GLIS3: variants seen among roughly 807,000 people sequenced by gnomAD.
GLIS3 encodes zinc finger protein GLIS3.
GLIS3 carries 53 observed loss-of-function variants against 78.6 expected under a neutral mutation model. The observed-to-expected ratio is 0.67, with a 90% CI of 0.54 to 0.85. The LOEUF is 0.85. Among genes scored for constraint, GLIS3 ranks in the 40% least tolerant of loss-of-function variants. The pLI is 0.00. For synonymous variants in GLIS3, 684 were observed against 509.9 expected (o/e 1.34, Z -4.60); for missense variants, 1,703 against 1,231.1 (o/e 1.38, Z -5.74).
rs191527242 is a variant in GLIS3 at position 4,050,400 on chromosome 9, G to T, written c.1710+67368C>A. 1.6e-4 allele frequency among the ~76,000 whole-genome samples: 24 copies of T among 152,156 alleles called. No individual in the cohort carries two copies. In the South Asian group the frequency reaches 4.2e-3, roughly 26 times the overall value. ...CTCACAGGTGGGAATTGAACAATGA[G>T]AACACTTGTACACAGGGCGGGGAAC... On this transcript the variant is annotated intron_variant, in intron 4 of 10. Transcript: ENST00000381971.
the GLIS3 span, among the ~76,000 whole-genome samples, chr9:4,354,185 T>C: frequency 6.6e-6 from 1 of 152,058 alleles, no homozygotes; most frequent in African/African-American, 2.4e-5. Flanking sequence ...AAAAAGAGTG[T>C]TATGCTAAAC....
the GLIS3 span, among the ~76,000 whole-genome samples, chr9:4,447,743 G>C: frequency 6.6e-6 from 1 of 152,082 alleles, no homozygotes; most frequent in Non-Finnish European, 1.5e-5. Flanking sequence ...ACTTCCCCAA[G>C]GACTCAGAGG....
chr9:4,117,862 G>T lies in GLIS3; in HGVS notation c.1616C>A (p.Ala539Asp). 1 of 1,614,124 alleles carries T rather than the reference G, an allele frequency of 6.2e-7. No homozygotes were observed. The highest frequency in any genetic ancestry group is 1.3e-5 in the African/African-American group (1 of 75,036). Residue 539 changes from alanine (A) to aspartate (D), a missense_variant, in exon 4 of 11, where the codon GCC becomes GAC. Ala to Asp is a moderately radical substitution (Grantham distance 126, BLOSUM62 -2). Transcript: ENST00000381971. Reference sequence around the variant, plus strand: ...GGGCTTGTATCTTCGAGGGCAACCGGCCCAGAAGCAAGTGAAGTCCTCCCC... The same window carrying T: ...GGGCTTGTATCTTCGAGGGCAACCGTCCCAGAAGCAAGTGAAGTCCTCCCC... The part of the protein sequence containing the change: ...RKGEDFTCFW[A>D]GCPRRYKPFN...
intron 7 of GLIS3, among the ~76,000 whole-genome samples, chr9:3,896,685 G>C (rs1388533549): frequency 9.8e-5 from 1 of 10,206 alleles, no homozygotes; most frequent in Middle Eastern, 0.056. Flanking sequence ...AAAAAAAGAA[G>C]TAGAGAGGGT....
rs192549154 is a variant in GLIS3 at position 4,221,276 on chromosome 9, G to C, written c.388+64762C>G. 8.5e-4 allele frequency among the ~76,000 whole-genome samples: 130 copies of C among 152,242 alleles called. No homozygotes were observed. In the Middle Eastern group the frequency reaches 0.01, roughly 12 times the overall value. ...AAAATTCAGGGAATCTGGGTGAAGG[G>C]CATATGGGAATTCTTTATATTATTC... On this transcript the variant is annotated intron_variant, in intron 2 of 10. Coordinates refer to ENST00000381971, the MANE Select transcript of GLIS3 (RefSeq NM_001042413.2).
chr9:4,349,097 C>G (rs184741715), upstream of GLIS3, among the ~76,000 whole-genome samples: 3 of 152,250 alleles, frequency 2.0e-5, no homozygotes, highest in African/African-American at 7.2e-5. Context: ...CAACACTACT[C>G]CTTATCTAAG....
At chr9:4,151,755 G>A (rs1247426733) in intron 2 of GLIS3, among the ~76,000 whole-genome samples, 1 of 152,158 alleles carries the variant, frequency 6.6e-6, no homozygotes. Flanking sequence ...TTTGGATAGA[G>A]TCCTGTGGCA....
At chr9:3,969,189 C>T (rs151277756) in intron 4 of GLIS3, among the ~76,000 whole-genome samples, 143 of 152,192 alleles carry the variant, frequency 9.4e-4, no homozygotes, top group African/African-American at 3.2e-3. Context: ...CCTCACTGTT[C>T]GAAGAAGGTA....
chr9:4,268,949 G>A (rs1826254780), intron 2 of GLIS3, among the ~76,000 whole-genome samples: 1 of 152,120 alleles, frequency 6.6e-6, no homozygotes, highest in South Asian at 2.1e-4. Flanking sequence ...TTTTCTACCT[G>A]TTCAATACTT....
At chr9:4,024,136 T>A (rs1420220216) in intron 4 of GLIS3, among the ~76,000 whole-genome samples, 2 of 152,164 alleles carry the variant, frequency 1.3e-5, no homozygotes, top group African/African-American at 4.8e-5. Flanking sequence ...AAAGTGATAA[T>A]GCCAAGAGCC....
chr9:3,869,937 G>T (rs762282179), intron 8 of GLIS3, among the ~76,000 whole-genome samples: 2 of 152,144 alleles, frequency 1.3e-5, no homozygotes, highest in Non-Finnish European at 2.9e-5. Context: ...TTCCTGCATC[G>T]AGAACTAAAC....
At position 3,967,908 on chromosome 9, in the gene GLIS3, A is replaced by G. The variant is rs998351412; in HGVS notation, c.1711-30719T>C. 2.6e-5 allele frequency among the ~76,000 whole-genome samples: 4 copies of G among 152,336 alleles called. No individual in the cohort carries two copies. The East Asian group carries it at 7.7e-4, about 29-fold the overall frequency. ...GTGATGGAGGCTCAGGAGGTGAGGA[A>G]AATACTTTGTGCATTGTTGTGAGCA... On this transcript the variant is annotated intron_variant, in intron 4 of 10. Transcript: ENST00000381971.
intron 2 of GLIS3, among the ~76,000 whole-genome samples, chr9:4,243,222 G>C (rs1041934517): frequency 2.0e-5 from 3 of 152,194 alleles, no homozygotes; most frequent in African/African-American, 4.8e-5. Context: ...ATGAGAGTCA[G>C]ATCTTGTTTA....
Position 4,226,209 on chromosome 9 carries a change from T to C in GLIS3, c.388+59829A>G, listed in dbSNP as rs544380039. ...CTCAAATTAATTCTGCTTTCCAATATCTTGACAATAAGAAGGAACAGAAGT... is the reference window on the plus strand; with the variant it reads ...CTCAAATTAATTCTGCTTTCCAATACCTTGACAATAAGAAGGAACAGAAGT... On this transcript the variant is annotated intron_variant, in intron 2 of 10. Coordinates refer to ENST00000381971, the MANE Select transcript of GLIS3 (RefSeq NM_001042413.2). 2.0e-5 allele frequency among the ~76,000 whole-genome samples: 3 copies of C among 152,284 alleles called. No homozygotes were observed. In the South Asian group the frequency reaches 6.2e-4, roughly 32 times the overall value.
At chr9:4,240,790 C>T (rs1317700504) in intron 2 of GLIS3, among the ~76,000 whole-genome samples, 1 of 152,012 alleles carries the variant, frequency 6.6e-6, no homozygotes, top group Non-Finnish European at 1.5e-5. Context: ...ATAATCTGTA[C>T]AACAAACCCT....
At chr9:4,225,340 C>T (rs1215029503) in intron 2 of GLIS3, among the ~76,000 whole-genome samples, 1 of 152,132 alleles carries the variant, frequency 6.6e-6, no homozygotes, top group African/African-American at 2.4e-5. Context: ...CAAAATTATA[C>T]AATTACTCTT....
chr9:4,409,542 TA>T, the GLIS3 span, among the ~76,000 whole-genome samples: 2 of 152,174 alleles, frequency 1.3e-5, no homozygotes, highest in Non-Finnish European at 2.9e-5. Flanking sequence ...ACACGCTTAC[TA>T]GTATAATGAT....
intron 7 of GLIS3, among the ~76,000 whole-genome samples, chr9:3,884,722 C>G (rs10733497): frequency 6.6e-6 from 1 of 152,158 alleles, no homozygotes; most frequent in South Asian, 2.1e-4. Flanking sequence ...CTTGAGGCCT[C>G]TTCTGGTTCC....
At chr9:4,375,516 G>A in the GLIS3 span, among the ~76,000 whole-genome samples, 1 of 152,188 alleles carries the variant, frequency 6.6e-6, no homozygotes, top group Non-Finnish European at 1.5e-5. Flanking sequence ...TCAGCTGACT[G>A]ATGCTCTCTC....
Sources: gnomAD v4.1 joint callset for allele counts (sites outside exome capture counted in the v4.1 genomes callset) on GRCh38, gnomAD v4.1.1 for gene constraint, MANE v1.5 for transcripts, NCBI Gene and HGNC (gene_info 2026-07-23, HGNC 2026-07-21) for gene names.